Variants in ATRNL1 observed in about 807,000 individuals in gnomAD.
ATRNL1 encodes attractin-like protein 1.
Under a neutral mutation model 182.7 loss-of-function variants are expected in ATRNL1, and 95 were observed. The observed-to-expected ratio is 0.52, with a 90% CI of 0.44 to 0.62. The LOEUF is 0.62. Ranked by LOEUF, ATRNL1 falls within the 20% of genes least tolerant of loss-of-function variation. The pLI is 0.00. For synonymous variants in ATRNL1, 576 were observed against 568.3 expected, an observed-to-expected ratio of 1.01 and a Z score of -0.19; for missense variants, 1,471 against 1,679.5, an observed-to-expected ratio of 0.88 and a Z score of 2.17.
intron 19 of ATRNL1, among the ~76,000 whole-genome samples, chr10:115,376,151 A>G (rs1335867931): frequency 2.0e-5 from 3 of 151,660 alleles, no homozygotes; most frequent in Non-Finnish European, 4.4e-5. Flanking sequence ...TGAATACATC[A>G]TCCTTCTTCC....
chr10:115,366,796 A>G (rs1256819329), intron 19 of ATRNL1, among the ~76,000 whole-genome samples: 3 of 150,018 alleles, frequency 2.0e-5, no homozygotes, highest in African/African-American at 7.4e-5. Flanking sequence ...TTGGCTGGAT[A>G]TGAAATTCTG....
rs1298412454 is a variant in ATRNL1 at position 115,246,850 on chromosome 10, G to A, written c.1687+5125G>A. 2.0e-4 allele frequency among the ~76,000 whole-genome samples: 13 copies of A among 65,078 alleles called. 4 individuals are homozygous for A. Among genetic ancestry groups the A allele is most frequent in the African/African-American group, 1.0e-3 (13 of 12,894 alleles). 42.7% of individuals were successfully genotyped at this position (65,078 alleles called of 152,430 possible). A position where few individuals can be genotyped will look rare whatever the true frequency, so the allele number is the denominator to read the frequency against. On this transcript the variant is annotated intron_variant, in intron 10 of 28. Transcript: ENST00000355044. ...GCTGGGATTACAGGCGTGAGCCACCGCGCCCGGCCATCTCTCTCATTCTTA... is the reference window on the plus strand; with the variant it reads ...GCTGGGATTACAGGCGTGAGCCACCACGCCCGGCCATCTCTCTCATTCTTA...
intron 18 of ATRNL1, among the ~76,000 whole-genome samples, chr10:115,321,232 A>G (rs1854568117): frequency 6.6e-6 from 1 of 152,056 alleles, no homozygotes; most frequent in African/African-American, 2.4e-5. Flanking sequence ...GATATCACTC[A>G]AGGAGACTGG....
chr10:115,486,163 G>C (rs1417866551), intron 24 of ATRNL1, among the ~76,000 whole-genome samples: 1 of 152,068 alleles, frequency 6.6e-6, no homozygotes, highest in Admixed American at 6.6e-5. Context: ...CATTTGGGTT[G>C]GTTCCAAGTC....
chr10:115,870,906 A>G (rs1268286338), intron 28 of ATRNL1, among the ~76,000 whole-genome samples: 2 of 152,214 alleles, frequency 1.3e-5, no homozygotes, highest in African/African-American at 4.8e-5. Flanking sequence ...GTTAAAACAT[A>G]TAAATTTCTA....
chr10:115,669,996 C>A (rs1555040902), intron 26 of ATRNL1, among the ~76,000 whole-genome samples: 2 of 151,976 alleles, frequency 1.3e-5, no homozygotes, highest in Non-Finnish European at 2.9e-5. Context: ...TGGAAGTTTT[C>A]ACATTTGATA....
At chr10:115,389,575 T>TTTC in intron 19 of ATRNL1, among the ~76,000 whole-genome samples, 3 of 118,328 alleles carry the variant, frequency 2.5e-5, no homozygotes, top group Middle Eastern at 3.8e-3. Context: ...TATATATATA[T>TTTC]ATATATATAT....
intron 19 of ATRNL1, among the ~76,000 whole-genome samples, chr10:115,386,018 T>A (rs782018626): frequency 6.6e-6 from 1 of 152,158 alleles, no homozygotes; most frequent in Non-Finnish European, 1.5e-5. Context: ...TCGTCTTTTT[T>A]AAATGCTTTT....
intron 17 of ATRNL1, among the ~76,000 whole-genome samples, chr10:115,310,718 T>C (rs1227727760): frequency 6.6e-6 from 1 of 152,210 alleles, no homozygotes; most frequent in African/African-American, 2.4e-5. Context: ...TTGAATCCTC[T>C]TCTTTGTTAA....
chr10:115,210,871 C>G (rs1248497510), intron 8 of ATRNL1, among the ~76,000 whole-genome samples: 1 of 151,872 alleles, frequency 6.6e-6, no homozygotes, highest in Non-Finnish European at 1.5e-5. Context: ...GATGTGGAAA[C>G]CTTGCTTTCA....
At chr10:115,517,080 C>T (rs988398066) in intron 24 of ATRNL1, among the ~76,000 whole-genome samples, 9 of 151,908 alleles carry the variant, frequency 5.9e-5, no homozygotes, top group Admixed American at 3.3e-4. Context: ...AATATTTTTA[C>T]ATGATTTAAA....
chr10:115,840,809 A>T (rs2134337401), intron 27 of ATRNL1, among the ~76,000 whole-genome samples: 1 of 152,180 alleles, frequency 6.6e-6, no homozygotes, highest in African/African-American at 2.4e-5. Flanking sequence ...GGAATGGTAG[A>T]TGTTGGCAAG....
intron 27 of ATRNL1, among the ~76,000 whole-genome samples, chr10:115,755,492 A>G (rs2134130878): frequency 6.6e-6 from 1 of 152,272 alleles, no homozygotes; most frequent in Non-Finnish European, 1.5e-5. Context: ...CGTATGTTGA[A>G]CTAGCCTTGC....
At chr10:115,550,123 A>G (rs1035946099) in intron 26 of ATRNL1, among the ~76,000 whole-genome samples, 2 of 151,906 alleles carry the variant, frequency 1.3e-5, no homozygotes, top group Non-Finnish European at 2.9e-5. Context: ...AACTGATTAT[A>G]TAAATTGTGT....
intron 21 of ATRNL1, among the ~76,000 whole-genome samples, chr10:115,428,713 G>C (rs1846015813): frequency 6.6e-6 from 1 of 151,996 alleles, no homozygotes; most frequent in African/African-American, 2.4e-5. Context: ...TACAGTATAA[G>C]AATATACTAC....
chr10:115,520,832 C>A (rs1258088641), intron 25 of ATRNL1, among the ~76,000 whole-genome samples: 1 of 152,130 alleles, frequency 6.6e-6, no homozygotes, highest in Admixed American at 6.5e-5. Context: ...TAAGAGAAAC[C>A]TTTGCCATAT....
At chr10:115,940,745 T>G (rs1420549622) in intron 28 of ATRNL1, among the ~76,000 whole-genome samples, 2 of 152,018 alleles carry the variant, frequency 1.3e-5, no homozygotes, top group Admixed American at 1.3e-4. Context: ...ACTATCGAAT[T>G]CAATAAGATA....
intron 26 of ATRNL1, among the ~76,000 whole-genome samples, chr10:115,651,028 G>C (rs559762328): frequency 6.6e-6 from 1 of 152,086 alleles, no homozygotes; most frequent in Non-Finnish European, 1.5e-5. Context: ...CATATACTTA[G>C]TTCTAGGCAG....
At chr10:115,632,044 G>A (rs1333341105) in intron 26 of ATRNL1, among the ~76,000 whole-genome samples, 2 of 152,160 alleles carry the variant, frequency 1.3e-5, no homozygotes, top group Non-Finnish European at 2.9e-5. Context: ...ATTCTGGGAA[G>A]TATGGGTTTT....
Sources: allele counts gnomAD v4.1 joint callset (sites outside exome capture counted in the v4.1 genomes callset), GRCh38; gene constraint gnomAD v4.1.1; transcripts MANE v1.5; gene names NCBI Gene and HGNC (gene_info 2026-07-23, HGNC 2026-07-21).